HDAC9: variants seen among roughly 807,000 people sequenced by gnomAD.
HDAC9 encodes the protein histone deacetylase 9, also known as MEF-2 interacting transcription repressor (MITR) protein.
A neutral mutation model predicts 139.4 loss-of-function variants in HDAC9; 41 were observed. The ratio of observed to expected loss-of-function variants is 0.29; its 90% CI spans 0.23 to 0.38. HDAC9 has a LOEUF of 0.38. Ranked by LOEUF, HDAC9 falls within the 10% of genes least tolerant of loss-of-function variation. The pLI, the probability that HDAC9 is intolerant of heterozygous loss-of-function variation, is 1.00. For missense variants in HDAC9, 1,147 were observed against 1,297.0 expected, an observed-to-expected ratio of 0.88 and a Z score of 1.78; for synonymous variants, 517 against 476.2, an observed-to-expected ratio of 1.09 and a Z score of -1.12.
chr7:18,852,610 G>A (rs570058660), intron 21 of HDAC9, among the ~76,000 whole-genome samples: 2 of 152,250 alleles, frequency 1.3e-5, no homozygotes, highest in East Asian at 3.9e-4. Flanking sequence ...GGTACATATA[G>A]TCCTAACACC....
intron 17 of HDAC9, among the ~76,000 whole-genome samples, chr7:18,818,327 T>TA (rs1794718622): frequency 6.6e-6 from 1 of 152,230 alleles, no homozygotes; most frequent in Non-Finnish European, 1.5e-5. Context: ...TATGCTCAAT[T>TA]AGTTTTTGGA....
intron 2 of HDAC9, among the ~76,000 whole-genome samples, chr7:18,205,308 A>T (rs1562745709): frequency 6.6e-6 from 1 of 151,960 alleles, no homozygotes; most frequent in East Asian, 1.9e-4. Flanking sequence ...TTAAAATTTA[A>T]TTCTTCAAAT....
intron 8 of HDAC9, among the ~76,000 whole-genome samples, chr7:18,637,284 A>G (rs917824034): frequency 2.6e-5 from 4 of 152,126 alleles, no homozygotes; most frequent in East Asian, 1.9e-4. Flanking sequence ...CCTTCATTGT[A>G]AATACATATG....
intron 12 of HDAC9, among the ~76,000 whole-genome samples, chr7:18,679,272 A>G (rs1430157282): frequency 6.6e-6 from 1 of 151,952 alleles, no homozygotes; most frequent in Non-Finnish European, 1.5e-5. Context: ...AAAGGCAGAT[A>G]TGAGGGAACA....
Position 18,823,304 on chromosome 7 carries a change from C to G in HDAC9, c.2323-5857C>G, listed in dbSNP as rs115238111. Among the ~76,000 whole-genome samples the G allele has an allele frequency of 8.1e-3, 1,235 of 152,076 alleles. 16 individuals carry two copies. Among genetic ancestry groups the G allele is most frequent in the African/African-American group, 0.027 (1,120 of 41,456 alleles). Reference sequence around the variant, plus strand: ...TGAGCAGGGTAGGAGATTGGAAGAACGAAAGGAAGGTAGAAATGCTCATCT... The same window carrying G: ...TGAGCAGGGTAGGAGATTGGAAGAAGGAAAGGAAGGTAGAAATGCTCATCT... On this transcript the variant is annotated intron_variant, in intron 17 of 25. Transcript: ENST00000686413.
intron 17 of HDAC9, among the ~76,000 whole-genome samples, chr7:18,810,902 C>G (rs764576811): frequency 1.5e-4 from 22 of 151,704 alleles, no homozygotes; most frequent in Non-Finnish European, 2.8e-4. Flanking sequence ...TTGATTCATT[C>G]TAGTTTTGGG....
chr7:18,588,828 A>G (rs1830146304), intron 3 of HDAC9, among the ~76,000 whole-genome samples: 1 of 152,050 alleles, frequency 6.6e-6, no homozygotes, highest in Non-Finnish European at 1.5e-5. Flanking sequence ...CTGCATTTTG[A>G]CTGGAACTCA....
chr7:18,410,796 TGCCTAA>T, intron 1 of HDAC9, among the ~76,000 whole-genome samples: 1 of 152,216 alleles, frequency 6.6e-6, no homozygotes, highest in Non-Finnish European at 1.5e-5. Context: ...TAAAAGTTTC[TGCCTAA>T]ATATTTTTTT....
At chr7:18,976,854 G>A (rs1300726812) in intron 25 of HDAC9, among the ~76,000 whole-genome samples, 4 of 152,168 alleles carry the variant, frequency 2.6e-5, no homozygotes, top group South Asian at 2.1e-4. Flanking sequence ...AATTGCTCCT[G>A]AGAAGGAAAT....
chr7:18,678,112 T>C (rs1395803768), intron 12 of HDAC9, among the ~76,000 whole-genome samples: 1 of 151,934 alleles, frequency 6.6e-6, no homozygotes, highest in Non-Finnish European at 1.5e-5. Flanking sequence ...ATTGAACATA[T>C]AAATGTTAGC....
At chr7:18,186,045 A>C (rs368283638) in intron 2 of HDAC9, among the ~76,000 whole-genome samples, 1 of 152,230 alleles carries the variant, frequency 6.6e-6, no homozygotes, top group African/African-American at 2.4e-5. Context: ...ATTTTATCAG[A>C]TTGAAAACAC....
At chr7:18,216,086 G>C (rs1204617377) in intron 2 of HDAC9, among the ~76,000 whole-genome samples, 1 of 148,674 alleles carries the variant, frequency 6.7e-6, no homozygotes, top group African/African-American at 2.5e-5. Flanking sequence ...ATGTATGTGT[G>C]TATGTGTGTG....
At chr7:18,276,688 G>C (rs891048424) in intron 2 of HDAC9, among the ~76,000 whole-genome samples, 1 of 152,164 alleles carries the variant, frequency 6.6e-6, no homozygotes, top group Non-Finnish European at 1.5e-5. Flanking sequence ...TAGACAGTGA[G>C]TGGTGTTACA....
chr7:18,426,070 CA>C lies in HDAC9; in HGVS notation c.-41-70191del, dbSNP rs544287128. Among the ~76,000 whole-genome samples the C allele has an allele frequency of 1.8e-3, 280 of 152,258 alleles. 3 individuals carry two copies. Among genetic ancestry groups the C allele is most frequent in the Non-Finnish European group, 3.3e-3 (224 of 68,026 alleles). On this transcript the variant is annotated intron_variant, in intron 1 of 3. Coordinates refer to the HDAC9 transcript ENST00000413509. ...ATACGGACACACAATTGCGGAAATGCAGATGCAGTGTTTTCATTTGATTTTT... is the reference window on the plus strand; with the variant it reads ...ATACGGACACACAATTGCGGAAATGCGATGCAGTGTTTTCATTTGATTTTT...
intron 22 of HDAC9, among the ~76,000 whole-genome samples, chr7:18,921,204 A>G (rs1803687651): frequency 1.3e-5 from 2 of 152,324 alleles, no homozygotes; most frequent in South Asian, 4.1e-4. Context: ...CACCAAAGCA[A>G]TGGCAACAAA....
chr7:18,594,126 C>G (rs1002652361), intron 6 of HDAC9, 97 bp downstream of exon 6: 5 of 1,325,782 alleles, frequency 3.8e-6, no homozygotes, highest in African/African-American at 2.9e-5. Context: ...GGATTTGAGT[C>G]GTAGATAATA....
At position 18,694,776 on chromosome 7, in the gene HDAC9, T is replaced by C. The variant is rs571069705; in HGVS notation, c.1731+28300T>C. Among the ~76,000 whole-genome samples the C allele has an allele frequency of 3.9e-5, 6 of 152,222 alleles. No homozygotes were observed. The East Asian group carries it at 7.7e-4, about 20-fold the overall frequency. ...ATCAGTCACTTTGGAGTCAAGATAATGAAAACTACATTAAAGAGGCCCCTC... is the reference window on the plus strand; with the variant it reads ...ATCAGTCACTTTGGAGTCAAGATAACGAAAACTACATTAAAGAGGCCCCTC... On this transcript the variant is annotated intron_variant, in intron 12 of 25. Coordinates refer to ENST00000686413, the MANE Select transcript of HDAC9 (RefSeq NM_178425.4).
rs144098824 is a variant in HDAC9 at position 18,527,851 on chromosome 7, G to T, written c.22+31527G>T. Among the ~76,000 whole-genome samples, 273 of 152,106 alleles carry T rather than the reference G, an allele frequency of 1.8e-3. 1 individual carries two copies. The highest frequency in any genetic ancestry group is 6.3e-3 in the African/African-American group (263 of 41,478). On this transcript the variant is annotated intron_variant, in intron 2 of 25. Transcript: ENST00000686413. ...AAGTTCATGGAAACTATCTTCTGTA[G>T]GAGACAGTTTACAGTTTACAGTTCT...
At chr7:18,227,614 C>T (rs564606289) in intron 2 of HDAC9, among the ~76,000 whole-genome samples, 1 of 152,218 alleles carries the variant, frequency 6.6e-6, no homozygotes, top group African/African-American at 2.4e-5. Flanking sequence ...TGGTAAAACC[C>T]TTCCCAATTT....
Sources: allele counts gnomAD v4.1 joint callset (sites outside exome capture counted in the v4.1 genomes callset), GRCh38; gene constraint gnomAD v4.1.1; transcripts MANE v1.5; gene names NCBI Gene and HGNC (gene_info 2026-07-23, HGNC 2026-07-21).